The following NOX3 variants were observed in gnomAD, a reference collection of about 807,000 sequenced individuals.
NOX3 encodes the protein NADPH oxidase 3, also known as NADPH oxidase catalytic subunit-like 3.
In NOX3, 74 loss-of-function variants were observed where a neutral mutation model predicts 76.7. That is an observed-to-expected ratio of 0.96 (90% CI 0.80 to 1.17). The LOEUF (loss-of-function observed/expected upper bound fraction) is 1.17, where lower values mean the gene tolerates loss of function less well. Ranked by LOEUF, NOX3 falls within the 50% of genes most tolerant of loss-of-function variation. The pLI is 0.00. For missense variants in NOX3, 695 were observed against 703.3 expected, an observed-to-expected ratio of 0.99 and a Z score of 0.13; for synonymous variants, 263 against 261.1, an observed-to-expected ratio of 1.01 and a Z score of -0.07.
At chr6:155,454,722 A>G (rs1208638352) in intron 3 of NOX3, 89 bp downstream of exon 3, 1 of 763,612 alleles carries the variant, frequency 1.3e-6, no homozygotes, top group Non-Finnish European at 2.1e-6. Context: ...AATTACTGAG[A>G]ATTTCATAAT....
At chr6:155,408,790 T>A (rs531270412) in intron 11 of NOX3, among the ~76,000 whole-genome samples, 1 of 152,334 alleles carries the variant, frequency 6.6e-6, no homozygotes, top group East Asian at 1.9e-4. Context: ...AATGAAATCA[T>A]GTTCTTTGCA....
rs185539415 is a variant in NOX3 at position 155,416,882 on chromosome 6, C to T, written c.1309-5522G>A. On this transcript the variant is annotated intron_variant, in intron 10 of 13. Transcript: ENST00000159060. ...TCTTATGCCTCAGCCTCCCGAGTAGCTGGGATTACAGGCACCTGACACCAC... is the reference window on the plus strand; with the variant it reads ...TCTTATGCCTCAGCCTCCCGAGTAGTTGGGATTACAGGCACCTGACACCAC... Among the ~76,000 whole-genome samples, 20 of 151,708 alleles carry T rather than the reference C, an allele frequency of 1.3e-4. No individual in the cohort carries two copies. In the East Asian group the frequency reaches 3.9e-3, roughly 30 times the overall value.
chr6:155,440,966 T>C (rs1279586592), intron 5 of NOX3, among the ~76,000 whole-genome samples: 1 of 152,210 alleles, frequency 6.6e-6, no homozygotes, highest in Non-Finnish European at 1.5e-5. Context: ...TGCATTTCTT[T>C]CACGCCATCT....
chr6:155,421,162 A>G (rs1225287499), intron 10 of NOX3, among the ~76,000 whole-genome samples: 2 of 152,132 alleles, frequency 1.3e-5, no homozygotes, highest in Non-Finnish European at 2.9e-5. Context: ...CACGTCTACC[A>G]TGTGTTGGTT....
Position 155,440,142 on chromosome 6 carries a change from A to G in NOX3, c.487-5T>C, listed in dbSNP as rs1776963490. On this transcript the variant is annotated splice_region_variant and splice_polypyrimidine_tract_variant and intron_variant, in intron 5 of 13. Transcript: ENST00000159060. ...TAGCAATTCAGTGGTTGTGTTCTAA[A>G]AAAAACAACAACAACAAAAAAAGAA... is the stretch of plus-strand genomic sequence containing the variant. 1 of 1,550,874 alleles carries G rather than the reference A, an allele frequency of 6.4e-7. No individual in the cohort carries two copies. The highest frequency in any genetic ancestry group is 8.7e-7 in the Non-Finnish European group (1 of 1,151,850).
At position 155,454,034 on chromosome 6, in the gene NOX3, A is replaced by G. The variant is rs193198774; in HGVS notation, c.256-546T>C. Among the ~76,000 whole-genome samples the G allele has an allele frequency of 6.4e-3, 980 of 152,312 alleles. 4 individuals are homozygous for G. The highest frequency in any genetic ancestry group is 0.019 in the Admixed American group (291 of 15,304). On this transcript the variant is annotated intron_variant, in intron 3 of 13. Transcript: ENST00000159060. The stretch of plus-strand genomic sequence containing the variant: ...TTATATTTATACCATCCTGTAGTCT[A>G]TTAAGTGTGCAATAGCATTATGTCT...
intron 12 of NOX3, among the ~76,000 whole-genome samples, chr6:155,402,286 A>T (rs947884653): frequency 6.6e-6 from 1 of 152,206 alleles, no homozygotes; most frequent in Non-Finnish European, 1.5e-5. Context: ...TTTGTTTCAT[A>T]GTACTTTTCT....
chr6:155,411,259 G>T lies in NOX3; in HGVS notation c.1410C>A (p.His470Gln), dbSNP rs754363225. The T allele has an allele frequency of 6.2e-7, 1 of 1,613,990 alleles. No homozygotes were observed. Among genetic ancestry groups the T allele is most frequent in the Non-Finnish European group, 8.5e-7 (1 of 1,179,870 alleles). Residue 470 changes from histidine (H) to glutamine (Q), a missense_variant, in exon 11 of 14, where the codon CAC becomes CAA. Transcript: ENST00000159060. ...ETRMSEQGKT[H>Q]FLSYHIFLTG... Reference sequence around the variant, plus strand: ...TAAGAAATATATGATAACTCAGAAAGTGAGTTTTCCCCTGCTCACTCATCC... The same window carrying T: ...TAAGAAATATATGATAACTCAGAAATTGAGTTTTCCCCTGCTCACTCATCC...
At chr6:155,411,389 T>C (rs374538127) in intron 10 of NOX3, 29 bp from the exon 11 acceptor site, 5 of 1,597,674 alleles carry the variant, frequency 3.1e-6, no homozygotes, top group African/African-American at 1.3e-5. Context: ...AGTGAACGGA[T>C]CTATTCTCTT....
intron 11 of NOX3, among the ~76,000 whole-genome samples, chr6:155,409,448 C>T (rs1397106727): frequency 1.3e-5 from 2 of 152,134 alleles, no homozygotes; most frequent in Non-Finnish European, 2.9e-5. Flanking sequence ...CAAAAAGGGC[C>T]TTCCCTACTT....
chr6:155,425,413 C>T (rs1364131788), intron 9 of NOX3, among the ~76,000 whole-genome samples: 2 of 152,124 alleles, frequency 1.3e-5, no homozygotes, highest in Admixed American at 6.5e-5. Flanking sequence ...AATGATTTGT[C>T]TTGCCTGCAT....
At chr6:155,440,378 T>G (rs1435584638) in intron 5 of NOX3, among the ~76,000 whole-genome samples, 1 of 152,110 alleles carries the variant, frequency 6.6e-6, no homozygotes, top group African/African-American at 2.4e-5. Context: ...CTTGCTTTGC[T>G]AAAATTTCGT....
intron 5 of NOX3, among the ~76,000 whole-genome samples, chr6:155,442,393 C>G (rs1777005701): frequency 6.6e-6 from 1 of 152,114 alleles, no homozygotes; most frequent in Admixed American, 6.5e-5. Flanking sequence ...GTCCCAAAAC[C>G]AGATTTTGAG....
chr6:155,401,045 C>T (rs1779218958), intron 12 of NOX3, among the ~76,000 whole-genome samples: 1 of 152,116 alleles, frequency 6.6e-6, no homozygotes, highest in Non-Finnish European at 1.5e-5. Context: ...CCTTCCCCAC[C>T]CCAATAAAAC....
At chr6:155,424,232 A>G (rs1776728296) in intron 9 of NOX3, among the ~76,000 whole-genome samples, 1 of 151,974 alleles carries the variant, frequency 6.6e-6, no homozygotes. Context: ...TTTACAATTT[A>G]TTGGTGTGTA....
intron 7 of NOX3, among the ~76,000 whole-genome samples, chr6:155,434,723 G>A (rs1341240558): frequency 6.6e-6 from 1 of 152,160 alleles, no homozygotes; most frequent in Non-Finnish European, 1.5e-5. Flanking sequence ...TCATTTTGGT[G>A]ATGTCAAATC....
At chr6:155,405,216 G>A (rs1244698451) in intron 12 of NOX3, among the ~76,000 whole-genome samples, 3 of 152,196 alleles carry the variant, frequency 2.0e-5, no homozygotes, top group Admixed American at 6.5e-5. Flanking sequence ...GGATATGGAA[G>A]CAGTCAGAGG....
intron 1 of NOX3, 52 bp downstream of exon 1, chr6:155,455,701 A>G (rs529735725): frequency 4.9e-6 from 7 of 1,441,094 alleles, no homozygotes; most frequent in Non-Finnish European, 6.8e-6. Flanking sequence ...CCTAAAAATC[A>G]AAGACTATTC....
At chr6:155,454,446 G>T (rs1777185606) in intron 3 of NOX3, among the ~76,000 whole-genome samples, 1 of 152,218 alleles carries the variant, frequency 6.6e-6, no homozygotes, top group Non-Finnish European at 1.5e-5. Context: ...GCTTTTGTGG[G>T]TGAGAACCCA....
Sources: allele counts gnomAD v4.1 joint callset (sites outside exome capture counted in the v4.1 genomes callset), GRCh38; gene constraint gnomAD v4.1.1; transcripts MANE v1.5; gene names NCBI Gene and HGNC (gene_info 2026-07-23, HGNC 2026-07-21).